The following LOC400499 variants were observed in gnomAD, a reference collection of about 807,000 sequenced individuals.
chr16:11,479,931 T>C, the LOC400499 span, among the ~76,000 whole-genome samples: 12 of 152,222 alleles, frequency 7.9e-5, no homozygotes, highest in African/African-American at 1.2e-4. Flanking sequence ...TTGTTTTTCA[T>C]GCCACGTATG....
chr16:11,444,009 A>G, the LOC400499 span, among the ~76,000 whole-genome samples: 28 of 151,620 alleles, frequency 1.8e-4, no homozygotes, highest in African/African-American at 6.8e-4. Flanking sequence ...CAATTTTTAT[A>G]GTTTTTTTTT....
At chr16:11,500,323 C>A in the LOC400499 span, among the ~76,000 whole-genome samples, 2 of 152,014 alleles carry the variant, frequency 1.3e-5, no homozygotes, top group Non-Finnish European at 2.9e-5. Context: ...GCCTGGCCAA[C>A]ATGGCGAAAC....
chr16:11,384,267 C>A, the LOC400499 span: 13 of 1,232,258 alleles, frequency 1.1e-5, no homozygotes, highest in Admixed American at 4.2e-5. Context: ...AGCCATCCGG[C>A]AACATCAGCT....
chr16:11,434,717 T>C, the LOC400499 span, among the ~76,000 whole-genome samples: 1 of 152,192 alleles, frequency 6.6e-6, no homozygotes, highest in African/African-American at 2.4e-5. Context: ...GGAATTCAAA[T>C]GCAGGGCTCA....
chr16:11,382,336 G>A, the LOC400499 span, among the ~76,000 whole-genome samples: 1 of 152,322 alleles, frequency 6.6e-6, no homozygotes, highest in Non-Finnish European at 1.5e-5. Flanking sequence ...TTAAATGTCT[G>A]AATGGCAGCC....
chr16:11,384,960 C>T, the LOC400499 span: 9 of 1,232,212 alleles, frequency 7.3e-6, no homozygotes, highest in South Asian at 8.2e-5. Flanking sequence ...ACCCCGTCCT[C>T]GCTGGCCAGC....
At chr16:11,390,506 G>A in the LOC400499 span, 1 of 1,231,134 alleles carries the variant, frequency 8.1e-7, no homozygotes, top group Non-Finnish European at 1.0e-6. Context: ...CTCAGGGCAG[G>A]TCAGAGAACC....
At chr16:11,450,550 C>G in the LOC400499 span, 1 of 1,501,898 alleles carries the variant, frequency 6.7e-7, no homozygotes, top group African/African-American at 1.4e-5. Context: ...GCCTCTGCAC[C>G]AGAAAAAGAT....
the LOC400499 span, among the ~76,000 whole-genome samples, chr16:11,466,167 G>A: frequency 2.0e-5 from 3 of 152,052 alleles, no homozygotes; most frequent in Admixed American, 6.6e-5. Flanking sequence ...TGTGCTGACT[G>A]TGTGCATAGA....
At chr16:11,489,211 C>T in the LOC400499 span, among the ~76,000 whole-genome samples, 1 of 152,188 alleles carries the variant, frequency 6.6e-6, no homozygotes, top group South Asian at 2.1e-4. Context: ...CTCTCCGAGC[C>T]TCAGTTTCCT....
chr16:11,404,401 C>T, the LOC400499 span, among the ~76,000 whole-genome samples: 4 of 152,140 alleles, frequency 2.6e-5, no homozygotes, highest in Admixed American at 6.5e-5. Flanking sequence ...GGCTGGAATG[C>T]ACTGGCTCAA....
At chr16:11,518,856 GC>G in the LOC400499 span, 1 of 399,104 alleles carries the variant, frequency 2.5e-6, no homozygotes, top group Non-Finnish European at 4.4e-6. Context: ...CACAGCTCCA[GC>G]CCCATCGTGA....
At chr16:11,489,004 T>C in the LOC400499 span, 4 of 395,614 alleles carry the variant, frequency 1.0e-5, no homozygotes, top group Non-Finnish European at 1.8e-5. Flanking sequence ...GGAGTCTGGC[T>C]ACAGAGACCT....
chr16:11,372,764 C>T, the LOC400499 span: 1 of 980,372 alleles, frequency 1.0e-6, no homozygotes, highest in Non-Finnish European at 1.2e-6. Context: ...AAAAGTAAGA[C>T]CAGGCTATGG....
chr16:11,480,685 G>A, the LOC400499 span, among the ~76,000 whole-genome samples: 3 of 152,158 alleles, frequency 2.0e-5, no homozygotes, highest in East Asian at 1.9e-4. Context: ...TCACTCCTAG[G>A]TGTACGCCCG....
the LOC400499 span, among the ~76,000 whole-genome samples, chr16:11,406,581 T>G: frequency 6.6e-6 from 1 of 152,226 alleles, no homozygotes; most frequent in African/African-American, 2.4e-5. Flanking sequence ...TATAGGCATG[T>G]GCCACCACGC....
the LOC400499 span, among the ~76,000 whole-genome samples, chr16:11,421,299 C>T: frequency 3.3e-5 from 5 of 152,234 alleles, no homozygotes; most frequent in African/African-American, 1.2e-4. Context: ...ACTTTCCCCC[C>T]AGGACTAGGC....
the LOC400499 span, among the ~76,000 whole-genome samples, chr16:11,468,275 A>C: frequency 5.3e-5 from 8 of 152,166 alleles, no homozygotes; most frequent in Admixed American, 2.6e-4. Context: ...CTTCTGCAGG[A>C]AATTTGGGAC....
At chr16:11,466,620 C>G in the LOC400499 span, among the ~76,000 whole-genome samples, 5 of 152,192 alleles carry the variant, frequency 3.3e-5, no homozygotes, top group East Asian at 9.7e-4. Flanking sequence ...AACTCCTGAC[C>G]TCAGGTGAGC....
Sources: gnomAD v4.1 joint callset for allele counts (sites outside exome capture counted in the v4.1 genomes callset) on GRCh38, gnomAD v4.1.1 for gene constraint, MANE v1.5 for transcripts.